Variants in RANBP3L observed in about 807,000 individuals in gnomAD.
RANBP3L encodes the protein RAN binding protein 3 like, also known as ran-binding protein 3-like.
Under a neutral mutation model 67.2 loss-of-function variants are expected in RANBP3L, and 56 were observed. The ratio of observed to expected loss-of-function variants is 0.83; its 90% CI spans 0.67 to 1.04. The LOEUF is 1.04. RANBP3L is among the 50% of genes least tolerant of loss of function. RANBP3L has a pLI of 0.00. For synonymous variants in RANBP3L, 164 were observed against 181.4 expected, an observed-to-expected ratio of 0.90 and a Z score of 0.77; for missense variants, 496 against 535.5, an observed-to-expected ratio of 0.93 and a Z score of 0.73.
chr5:36,249,734 T>A, intron 13 of RANBP3L, 37 bp from the exon 14 acceptor site: 2 of 1,180,288 alleles, frequency 1.7e-6, no homozygotes, highest in Non-Finnish European at 1.2e-6. Context: ...TTATACAATA[T>A]TATATTTAGG....
intron 2 of RANBP3L, among the ~76,000 whole-genome samples, chr5:36,270,911 T>G (rs1750161403): frequency 6.6e-6 from 1 of 152,222 alleles, no homozygotes; most frequent in Non-Finnish European, 1.5e-5. Context: ...GAATGTGTTT[T>G]TTTACCGAGT....
At chr5:36,271,456 C>A in intron 1 of RANBP3L, 145 bp from the exon 2 acceptor site, 1 of 605,652 alleles carries the variant, frequency 1.7e-6, no homozygotes, top group East Asian at 2.8e-5. Context: ...TGAATACTAT[C>A]AATTGCACAT....
At chr5:36,279,379 A>G (rs1234093135) in intron 1 of RANBP3L, among the ~76,000 whole-genome samples, 1 of 152,158 alleles carries the variant, frequency 6.6e-6, no homozygotes, top group African/African-American at 2.4e-5. Context: ...ACAACAAACT[A>G]TCTACTAAAA....
At position 36,299,361 on chromosome 5, in the gene RANBP3L, G is replaced by GTA. The variant is rs200740243; in HGVS notation, c.91+1964_91+1965insTA. 1.6e-4 allele frequency among the ~76,000 whole-genome samples: 23 copies of GTA among 147,132 alleles called. No homozygotes were observed. The East Asian group carries it at 2.4e-3, about 16-fold the overall frequency. ...TGTGTGTGTGTGTGTGTGTGTGTGT[G>GTA]TGTGTATATATCCTATTAGTTCTGT... On this transcript the variant is annotated intron_variant, in intron 1 of 13. Transcript: ENST00000296604.
intron 4 of RANBP3L, among the ~76,000 whole-genome samples, chr5:36,267,163 C>T (rs1749857152): frequency 6.6e-6 from 1 of 152,142 alleles, no homozygotes; most frequent in Non-Finnish European, 1.5e-5. Context: ...TATACTGTTG[C>T]TCAGTCATGC....
intron 7 of RANBP3L, among the ~76,000 whole-genome samples, chr5:36,261,259 T>C (rs957499722): frequency 5.9e-5 from 9 of 152,328 alleles, no homozygotes; most frequent in African/African-American, 2.2e-4. Context: ...AAACCCTGTC[T>C]GTTATAATTG....
rs1029701063 is a variant in RANBP3L, at chr5:36,248,457, A to G, written c.*1197T>C. ...AGTTTGACTTAATAAATACTTATAT[A>G]TTTTTATTATTTTATAACAGGTATG... is the stretch of plus-strand genomic sequence containing the variant. On this transcript the variant is annotated 3_prime_UTR_variant, in exon 14 of 14. Coordinates refer to ENST00000296604, the MANE Select transcript of RANBP3L (RefSeq NM_145000.5). The G allele has an allele frequency of 7.2e-5, 11 of 152,254 alleles. No individual in the cohort carries two copies. The highest frequency in any genetic ancestry group is 1.5e-4 in the Non-Finnish European group (10 of 68,004). 9.4% of individuals were successfully genotyped at this position (152,254 alleles called of 1,614,324 possible).
At chr5:36,301,202 C>A in intron 1 of RANBP3L, 124 bp downstream of exon 1, 1 of 704,870 alleles carries the variant, frequency 1.4e-6, no homozygotes, top group Non-Finnish European at 2.6e-6. Flanking sequence ...CCAAGTTAAC[C>A]CACCCTTATG....
intron 4 of RANBP3L, among the ~76,000 whole-genome samples, chr5:36,267,419 A>G (rs750579559): frequency 6.6e-6 from 1 of 151,974 alleles, no homozygotes; most frequent in African/African-American, 2.4e-5. Flanking sequence ...GAGGCAGGAG[A>G]GTCACTTAAA....
At chr5:36,257,669 A>C (rs2111702470) in intron 8 of RANBP3L, 113 bp from the exon 9 acceptor site, 1 of 469,894 alleles carries the variant, frequency 2.1e-6, no homozygotes, top group South Asian at 3.5e-5. Context: ...AAGCAAACCT[A>C]GCTGGTATGT....
chr5:36,254,474 G>T (rs990829396), intron 11 of RANBP3L, among the ~76,000 whole-genome samples: 4 of 151,876 alleles, frequency 2.6e-5, no homozygotes, highest in Non-Finnish European at 5.9e-5. Context: ...TTCTTTTGGG[G>T]TTTGTTTTTT....
chr5:36,288,064 C>T (rs773124171), intron 1 of RANBP3L, among the ~76,000 whole-genome samples: 3 of 152,178 alleles, frequency 2.0e-5, no homozygotes, highest in African/African-American at 4.8e-5. Flanking sequence ...ATAAAATGCA[C>T]AGATGAATTT....
chr5:36,267,283 C>T (rs79346317), intron 4 of RANBP3L, among the ~76,000 whole-genome samples: 15,217 of 152,038 alleles, frequency 0.1, 1,019 homozygotes, highest in South Asian at 0.27. Context: ...CCGAGGTGGG[C>T]GGATCACGAG....
At position 36,256,974 on chromosome 5, in the gene RANBP3L, TATAAC is replaced by T; in HGVS notation, c.865_869del (p.Val289AsnfsTer8). The stretch of plus-strand genomic sequence containing the variant: ...CATTATGTTCTGTTTCCTCCCCTGT[TATAAC>T]ATCAATTTTCTCCAGCAAGCATTTT... On this transcript the variant is annotated frameshift_variant, in exon 10 of 14. Transcript: ENST00000296604. LOFTEE classifies it high-confidence loss of function. The T allele has an allele frequency of 6.2e-7, 1 of 1,613,344 alleles. No homozygotes were observed. The highest frequency in any genetic ancestry group is 8.5e-7 in the Non-Finnish European group (1 of 1,179,464).
chr5:36,292,703 A>G (rs1579786340), intron 1 of RANBP3L, among the ~76,000 whole-genome samples: 2 of 152,010 alleles, frequency 1.3e-5, no homozygotes, highest in South Asian at 4.2e-4. Flanking sequence ...CAAAGATCAG[A>G]TAGTTGTAGA....
At chr5:36,287,501 A>C (rs1459640787) in intron 1 of RANBP3L, among the ~76,000 whole-genome samples, 1 of 152,198 alleles carries the variant, frequency 6.6e-6, no homozygotes, top group East Asian at 1.9e-4. Flanking sequence ...GGGGTGAAAA[A>C]ATATTCATGA....
intron 1 of RANBP3L, among the ~76,000 whole-genome samples, chr5:36,279,659 G>T (rs557701248): frequency 6.6e-6 from 1 of 152,100 alleles, no homozygotes; most frequent in African/African-American, 2.4e-5. Flanking sequence ...AACCAATTTT[G>T]TGTTCAGATC....
rs565506624 is a variant in RANBP3L, at chr5:36,247,481, G to A, written c.*2173C>T. Among the ~76,000 whole-genome samples, 6 of 152,296 alleles carry A rather than the reference G, an allele frequency of 3.9e-5. No individual in the cohort carries two copies. In the South Asian group the frequency reaches 1.2e-3, roughly 32 times the overall value. On this transcript the variant is annotated 3_prime_UTR_variant, in exon 14 of 14. Transcript: ENST00000296604. ...AATTTTTTCCATTGATATATGCGGA[G>A]AAATCTAAAGAAAATCATAGAATGA...
intron 9 of RANBP3L, 140 bp from the exon 10 acceptor site, chr5:36,257,211 G>A (rs1485535083): frequency 4.1e-6 from 3 of 723,916 alleles, no homozygotes; most frequent in East Asian, 2.9e-5. Context: ...TGCTTGAGTT[G>A]GTGTAAAATC....
Sources: allele counts gnomAD v4.1 joint callset (sites outside exome capture counted in the v4.1 genomes callset), GRCh38; gene constraint gnomAD v4.1.1; transcripts MANE v1.5; gene names NCBI Gene and HGNC (gene_info 2026-07-23, HGNC 2026-07-21).